The following SYNE2 variants were observed in gnomAD, a reference collection of about 807,000 sequenced individuals.
SYNE2 encodes the protein spectrin repeat containing nuclear envelope protein 2.
A neutral mutation model predicts 856.3 loss-of-function variants in SYNE2; 431 were observed. That is an observed-to-expected ratio of 0.50 (90% CI 0.47 to 0.55). The LOEUF (loss-of-function observed/expected upper bound fraction) is 0.55, where lower values mean the gene tolerates loss of function less well. SYNE2 is among the 20% of genes least tolerant of loss of function. SYNE2 has a pLI of 0.00. For synonymous variants in SYNE2, 2,923 were observed against 2,872.3 expected (o/e 1.02, Z -0.56); for missense variants, 8,129 against 8,023.2 (o/e 1.01, Z -0.50).
At chr14:64,011,782 T>G (rs1015069521) in intron 32 of SYNE2, among the ~76,000 whole-genome samples, 1 of 152,244 alleles carries the variant, frequency 6.6e-6, no homozygotes, top group Non-Finnish European at 1.5e-5. Context: ...ACCTTATAAC[T>G]ATAAACTATA....
intron 1 of SYNE2, among the ~76,000 whole-genome samples, chr14:63,853,617 C>T (rs1890959163): frequency 1.3e-5 from 2 of 151,588 alleles, no homozygotes; most frequent in South Asian, 4.1e-4. Context: ...AGCTGGAAGG[C>T]GGACAGCCGC....
At chr14:64,138,946 G>GGTGTGTGTGTGTGTGTGTGTGTGT (rs150016027) in intron 79 of SYNE2, among the ~76,000 whole-genome samples, 1 of 137,696 alleles carries the variant, frequency 7.3e-6, no homozygotes, top group East Asian at 2.1e-4. Flanking sequence ...GTGTATGTAT[G>GGTGTGTGTGTGTGTGTGTGTGTGT]GTGTGTGTGT....
At chr14:63,935,574 A>G (rs1391524384) in intron 2 of SYNE2, among the ~76,000 whole-genome samples, 1 of 152,226 alleles carries the variant, frequency 6.6e-6, no homozygotes, top group Non-Finnish European at 1.5e-5. Context: ...TGACTATTAG[A>G]TAGAGATTAA....
chr14:64,103,404 C>T (rs535587890), intron 64 of SYNE2, among the ~76,000 whole-genome samples: 10 of 148,596 alleles, frequency 6.7e-5, no homozygotes, highest in South Asian at 6.4e-4. Flanking sequence ...AAATTAGATG[C>T]GCTAAGTCTT....
At chr14:63,786,959 C>T (rs1384557551) in intron 1 of SYNE2, among the ~76,000 whole-genome samples, 2 of 152,058 alleles carry the variant, frequency 1.3e-5, no homozygotes, top group Non-Finnish European at 2.9e-5. Context: ...GACAGGGTTT[C>T]GCCATGTTGC....
intron 1 of SYNE2, among the ~76,000 whole-genome samples, chr14:63,817,957 C>T (rs1256453352): frequency 7.3e-6 from 1 of 137,140 alleles, no homozygotes; most frequent in East Asian, 2.2e-4. Flanking sequence ...CCTAGAAGGC[C>T]GAGGCTACAG....
At chr14:64,224,330 G>A in intron 113 of SYNE2, 131 bp from the exon 114 acceptor site, 1 of 876,342 alleles carries the variant, frequency 1.1e-6, no homozygotes, top group Non-Finnish European at 1.9e-6. Context: ...CAGCCTGGGT[G>A]ACACAGTGAG....
intron 85 of SYNE2, among the ~76,000 whole-genome samples, chr14:64,153,580 G>C (rs1265278974): frequency 1.3e-5 from 2 of 152,132 alleles, no homozygotes; most frequent in African/African-American, 2.4e-5. Context: ...ATTCCCCCAG[G>C]AATGTAGCAG....
chr14:64,199,043 T>C (rs946042844), intron 99 of SYNE2, among the ~76,000 whole-genome samples: 4 of 152,192 alleles, frequency 2.6e-5, no homozygotes, highest in Non-Finnish European at 5.9e-5. Flanking sequence ...AATGGTTAAG[T>C]GTTTACTGAA....
chr14:63,765,807 A>C (rs1178158482), intron 1 of SYNE2, among the ~76,000 whole-genome samples: 2 of 152,152 alleles, frequency 1.3e-5, no homozygotes, highest in Non-Finnish European at 2.9e-5. Flanking sequence ...ATTAAGTTTC[A>C]TTTTGCATCT....
intron 1 of SYNE2, among the ~76,000 whole-genome samples, chr14:63,840,246 G>T (rs1036376577): frequency 6.6e-6 from 1 of 152,146 alleles, no homozygotes; most frequent in African/African-American, 2.4e-5. Flanking sequence ...ACTCCAGCCT[G>T]GGGGACAGAG....
chr14:63,846,671 C>T (rs1040414740), intron 1 of SYNE2, among the ~76,000 whole-genome samples: 3 of 151,934 alleles, frequency 2.0e-5, no homozygotes, highest in Non-Finnish European at 4.4e-5. Context: ...TCTCAGCTCA[C>T]TGCAACCTCT....
intron 37 of SYNE2, among the ~76,000 whole-genome samples, chr14:64,022,500 A>C (rs544105265): frequency 2.0e-5 from 3 of 152,086 alleles, no homozygotes; most frequent in Admixed American, 6.5e-5. Flanking sequence ...TGGGAGGCCA[A>C]GGCGGGTGGA....
At chr14:64,175,166 A>C (rs776464840) in intron 95 of SYNE2, 28 bp downstream of exon 95, 5 of 1,611,958 alleles carry the variant, frequency 3.1e-6, no homozygotes, top group Non-Finnish European at 4.2e-6. Context: ...TTTTCCATTC[A>C]TGATATTCAA....
In SYNE2 at chr14:63,967,934, G is replaced by A. The variant is rs1255891; in HGVS notation, c.1128+88G>A. 0.29 allele frequency: 395,485 copies of A among 1,350,748 alleles called. 59,706 individuals are homozygous for A. Among genetic ancestry groups the A allele is most frequent in the African/African-American group, 0.37 (26,114 of 69,766 alleles). The allele number at this position is 1,350,748 out of a possible 1,614,324, so 83.7% of individuals were successfully genotyped here. ...TCCCAGCACTTTGGGAGACCAAGGC[G>A]GGTGGATCACTTGAGGTCAGGAGTT... On this transcript the variant is annotated intron_variant, in intron 11 of 115. Coordinates refer to ENST00000555002, the MANE Select transcript of SYNE2 (RefSeq NM_182914.3).
chr14:63,887,492 G>A (rs1464563085), intron 1 of SYNE2, among the ~76,000 whole-genome samples: 1 of 152,196 alleles, frequency 6.6e-6, no homozygotes, highest in African/African-American at 2.4e-5. Context: ...GCCTGTGGCT[G>A]TGGAAGAGAG....
chr14:64,010,579 A>C (rs1215186736), intron 32 of SYNE2, among the ~76,000 whole-genome samples: 1 of 152,164 alleles, frequency 6.6e-6, no homozygotes, highest in Non-Finnish European at 1.5e-5. Context: ...ATATTCTAAG[A>C]AGAGTAATAT....
intron 68 of SYNE2, 41 bp downstream of exon 68, chr14:64,121,102 CT>C: frequency 6.2e-7 from 1 of 1,612,892 alleles, no homozygotes; most frequent in South Asian, 1.1e-5. Flanking sequence ...TAGAATATAA[CT>C]TTTTAACCAG....
intron 1 of SYNE2, among the ~76,000 whole-genome samples, chr14:63,876,644 C>A (rs577602735): frequency 2.0e-5 from 3 of 152,066 alleles, no homozygotes; most frequent in Non-Finnish European, 4.4e-5. Flanking sequence ...CCCACCACCA[C>A]GCCCGGCTAA....
Sources: gnomAD v4.1 joint callset for allele counts (sites outside exome capture counted in the v4.1 genomes callset) on GRCh38, gnomAD v4.1.1 for gene constraint, MANE v1.5 for transcripts, NCBI Gene and HGNC (gene_info 2026-07-23, HGNC 2026-07-21) for gene names.